Variants in TRARG1 observed in about 807,000 individuals in gnomAD.
TRARG1 encodes trafficking regulator of GLUT4 (SLC2A4) 1 (gene/pseudogene).
TRARG1 carries 16 observed loss-of-function variants against 13.3 expected under a neutral mutation model. The ratio of observed to expected loss-of-function variants is 1.20; its 90% CI spans 0.81 to 1.83. The LOEUF is 1.83. TRARG1 is among the 40% of genes most tolerant of loss of function. The pLI, the probability that TRARG1 is intolerant of heterozygous loss-of-function variation, is 0.00. For synonymous variants in TRARG1, 113 were observed against 106.2 expected (o/e 1.06, Z -0.39); for missense variants, 250 against 237.4 (o/e 1.05, Z -0.35).
intron 1 of TRARG1, among the ~76,000 whole-genome samples, chr17:1,286,125 T>C (rs1182093289): frequency 6.6e-6 from 1 of 152,174 alleles, no homozygotes; most frequent in African/African-American, 2.4e-5. Context: ...CCTGGCAGCC[T>C]GAAGGAGAGG....
intron 1 of TRARG1, among the ~76,000 whole-genome samples, chr17:1,289,779 C>A (rs1026833195): frequency 3.9e-5 from 6 of 152,044 alleles, no homozygotes; most frequent in African/African-American, 1.4e-4. Flanking sequence ...ATGCTGGGAC[C>A]GGTTTATCCA....
intron 2 of TRARG1, among the ~76,000 whole-genome samples, chr17:1,296,869 T>G (rs1320068361): frequency 6.6e-6 from 1 of 151,932 alleles, no homozygotes; most frequent in African/African-American, 2.4e-5. Context: ...GGTCTCGAAC[T>G]CCCGACCTCA....
Position 1,280,313 on chromosome 17 carries a change from C to A in TRARG1, c.312C>A (p.Tyr104Ter). Residue 104 changes from tyrosine to a stop codon, truncating the protein, a stop_gained, in exon 1 of 3, where the codon TAC becomes TAA. Transcript: ENST00000333813. LOFTEE classifies it high-confidence loss of function. The part of the protein sequence containing the change: ...YAQDQEAPRD[Y>*]LILAVVACFC... The stretch of plus-strand genomic sequence containing the variant: ...AAGACCAAGAAGCCCCCAGAGATTA[C>A]CTCATCCTGGCCGTCGTCGCCTGCT... 4.3e-6 allele frequency: 7 copies of A among 1,613,876 alleles called. No homozygotes were observed. Among genetic ancestry groups the A allele is most frequent in the Non-Finnish European group, 5.9e-6 (7 of 1,179,896 alleles).
chr17:1,285,399 A>G lies in TRARG1; in HGVS notation c.387+5011A>G, dbSNP rs567585347. Among the ~76,000 whole-genome samples, 15 of 151,916 alleles carry G rather than the reference A, an allele frequency of 9.9e-5. No homozygotes were observed. The South Asian group carries it at 3.1e-3, about 32-fold the overall frequency. ...GCACTCCAGCCTGGGCAATAGAGCA[A>G]GACTCCATCTCAAAAAATTAAAGAG... On this transcript the variant is annotated intron_variant, in intron 1 of 2. Transcript: ENST00000333813.
chr17:1,289,987 TC>T (rs1033570840), intron 1 of TRARG1, among the ~76,000 whole-genome samples: 19 of 152,164 alleles, frequency 1.2e-4, no homozygotes, highest in African/African-American at 4.6e-4. Flanking sequence ...TGAATCATGT[TC>T]CTCCCAGCAC....
Position 1,280,074 on chromosome 17 carries a change from G to C in TRARG1, c.73G>C (p.Glu25Gln). Residue 25 changes from glutamate (E) to glutamine (Q), a missense_variant, in exon 1 of 3, where the codon GAG (glutamate) becomes CAG (glutamine). By Grantham distance (29) the Glu-to-Gln change is conservative. Transcript: ENST00000333813. ...CTCCGCCGCATTCCTGGACCTGCCG[G>C]AGATGGAGATACTCCTCACCAAGGC... ...PGSAAFLDLP[E>Q]MEILLTKAEN... The C allele has an allele frequency of 6.2e-7, 1 of 1,613,548 alleles. No homozygotes were observed. Among genetic ancestry groups the C allele is most frequent in the Non-Finnish European group, 8.5e-7 (1 of 1,180,028 alleles).
rs1368149210 is a variant in TRARG1, at chr17:1,280,299, G to A, written c.298G>A (p.Ala100Thr). Reference protein sequence around the residue: ...ATTSYAQDQEAPRDYLILAVV... With the variant: ...ATTSYAQDQETPRDYLILAVV... ...CACCTCCTATGCCCAAGACCAAGAA[G>A]CCCCCAGAGATTACCTCATCCTGGC... The change falls in exon 1 of 3, where the codon GCC (alanine) becomes ACC (threonine). Residue 100 changes from alanine to threonine, a missense_variant. By Grantham distance (58) the Ala-to-Thr change is moderately conservative (BLOSUM62 0). Transcript: ENST00000333813. 13 of 1,613,852 alleles carry A rather than the reference G, an allele frequency of 8.1e-6. No individual in the cohort carries two copies. The highest frequency in any genetic ancestry group is 1.0e-5 in the Non-Finnish European group (12 of 1,179,968).
At position 1,280,228 on chromosome 17, in the gene TRARG1, G is replaced by T. The variant is rs770710409; in HGVS notation, c.227G>T (p.Arg76Leu). Residue 76 changes from arginine (R) to leucine (L), a missense_variant, in exon 1 of 3, where the codon CGG (arginine) becomes CTG (leucine). Arg to Leu is a moderately radical substitution (Grantham distance 102). Coordinates refer to ENST00000333813, the MANE Select transcript of TRARG1 (RefSeq NM_172367.3). ...SEGHLEAPLP[R>L]SPSRASSRRA... The stretch of plus-strand genomic sequence containing the variant: ...GGGCACCTGGAGGCCCCACTGCCTC[G>T]GTCCCCCTCCCGGGCCAGCTCAAGG... 1 of 1,613,994 alleles carries T rather than the reference G, an allele frequency of 6.2e-7. No individual in the cohort carries two copies. Among genetic ancestry groups the T allele is most frequent in the Non-Finnish European group, 8.5e-7 (1 of 1,179,974 alleles).
At chr17:1,285,340 G>A (rs894305184) in intron 1 of TRARG1, among the ~76,000 whole-genome samples, 36 of 151,400 alleles carry the variant, frequency 2.4e-4, no homozygotes, top group African/African-American at 4.9e-5. Context: ...AAACCCGGGC[G>A]GCAGAGATTG....
chr17:1,291,614 G>A (rs888035583), intron 1 of TRARG1, among the ~76,000 whole-genome samples: 1 of 152,152 alleles, frequency 6.6e-6, no homozygotes, highest in Non-Finnish European at 1.5e-5. Context: ...AGCGGTGTGA[G>A]AACGGCCTAC....
intron 1 of TRARG1, among the ~76,000 whole-genome samples, chr17:1,281,989 CATAT>C (rs1337611891): frequency 1.3e-5 from 2 of 151,246 alleles, no homozygotes; most frequent in South Asian, 4.2e-4. Flanking sequence ...CATATATGTA[CATAT>C]ATACAGATAT....
chr17:1,281,066 G>A (rs2071969496), intron 1 of TRARG1, among the ~76,000 whole-genome samples: 1 of 152,242 alleles, frequency 6.6e-6, no homozygotes, highest in African/African-American at 2.4e-5. Flanking sequence ...AAATGTGAGA[G>A]TCAGAGGGCA....
intron 2 of TRARG1, among the ~76,000 whole-genome samples, chr17:1,296,952 A>G (rs888810972): frequency 6.6e-6 from 1 of 151,882 alleles, no homozygotes; most frequent in Non-Finnish European, 1.5e-5. Flanking sequence ...GCCCAGGGGA[A>G]CCATTTTCAA....
chr17:1,298,136 C>G (rs941168437), intron 2 of TRARG1, 115 bp from the exon 3 acceptor site: 2 of 1,304,578 alleles, frequency 1.5e-6, no homozygotes, highest in Non-Finnish European at 1.1e-6. Context: ...GCCTTCTCCC[C>G]TTATCCCTAT....
chr17:1,288,357 C>A (rs1282190144), intron 1 of TRARG1, among the ~76,000 whole-genome samples: 2 of 130,572 alleles, frequency 1.5e-5, no homozygotes, highest in Non-Finnish European at 3.3e-5. Flanking sequence ...GTTCCCCATC[C>A]CCCATGGGCT....
intron 1 of TRARG1, among the ~76,000 whole-genome samples, chr17:1,291,436 C>T (rs2072068660): frequency 6.6e-6 from 1 of 152,190 alleles, no homozygotes; most frequent in Admixed American, 6.6e-5. Context: ...AAGGGGCTTC[C>T]CCGTTTTGTT....
intron 1 of TRARG1, 84 bp downstream of exon 1, chr17:1,280,472 C>A: frequency 7.2e-7 from 1 of 1,379,446 alleles, no homozygotes; most frequent in Non-Finnish European, 9.8e-7. Flanking sequence ...CAAACACTGC[C>A]CAGGGTGTGG....
chr17:1,285,182 A>G (rs2072011876), intron 1 of TRARG1, among the ~76,000 whole-genome samples: 1 of 151,708 alleles, frequency 6.6e-6, no homozygotes, highest in African/African-American at 2.4e-5. Flanking sequence ...GGAGACAACA[A>G]GTGGATCACT....
rs941112229 is a variant in TRARG1 at position 1,287,097 on chromosome 17, C to T, written c.387+6709C>T. Among the ~76,000 whole-genome samples the T allele has an allele frequency of 4.6e-5, 7 of 151,766 alleles. 1 individual carries two copies. Among genetic ancestry groups the T allele is most frequent in the African/African-American group, 1.7e-4 (7 of 41,234 alleles). On this transcript the variant is annotated intron_variant, in intron 1 of 2. Coordinates refer to ENST00000333813, the MANE Select transcript of TRARG1 (RefSeq NM_172367.3). ...GATAGACTTGGAAGAGAAAAGGGGC[C>T]ATGGGCTGAGAGAAGACAAAGGGCA...
Sources: allele counts gnomAD v4.1 joint callset (sites outside exome capture counted in the v4.1 genomes callset), GRCh38; gene constraint gnomAD v4.1.1; transcripts MANE v1.5; gene names NCBI Gene and HGNC (gene_info 2026-07-23, HGNC 2026-07-21).